MAGI2: variants seen among roughly 807,000 people sequenced by gnomAD.
MAGI2 encodes membrane associated guanylate kinase, WW and PDZ domain containing 2.
In MAGI2, 35 loss-of-function variants were observed where a neutral mutation model predicts 133.3. The ratio of observed to expected loss-of-function variants is 0.26; its 90% CI spans 0.20 to 0.35. The LOEUF is 0.35. MAGI2 is among the 10% of genes least tolerant of loss of function. The probability of loss-of-function intolerance (pLI) is 1.00; values close to 1 mark genes in which losing one functional copy is unlikely to be tolerated. For synonymous variants in MAGI2, 729 were observed against 710.6 expected (o/e 1.03, Z -0.41); for missense variants, 1,636 against 1,863.4 (o/e 0.88, Z 2.25).
Position 78,585,964 on chromosome 7 carries a change from G to A in MAGI2, c.538+41156C>T, listed in dbSNP as rs192834202. Reference sequence around the variant, plus strand: ...TCAATACACCACAGGAGCTCAATTCGTGATAACATTCTGTCTCCTTTACCC... The same window carrying A: ...TCAATACACCACAGGAGCTCAATTCATGATAACATTCTGTCTCCTTTACCC... On this transcript the variant is annotated intron_variant, in intron 3 of 21. Transcript: ENST00000354212. 1.9e-3 allele frequency among the ~76,000 whole-genome samples: 286 copies of A among 152,282 alleles called. 1 individual carries two copies. Among genetic ancestry groups the A allele is most frequent in the Non-Finnish European group, 5.4e-4 (37 of 68,022 alleles).
At chr7:78,955,736 T>TCTTTCTTC (rs1562712940) in intron 2 of MAGI2, among the ~76,000 whole-genome samples, 1 of 45,702 alleles carries the variant, frequency 2.2e-5, no homozygotes, top group African/African-American at 7.0e-5. Flanking sequence ...TTTCTTTCTT[T>TCTTTCTTC]CTTTCTTTCT....
intron 9 of MAGI2, among the ~76,000 whole-genome samples, chr7:78,318,469 G>A (rs573644630): frequency 1.3e-5 from 2 of 152,224 alleles, no homozygotes; most frequent in Non-Finnish European, 2.9e-5. Flanking sequence ...ATGGGACTAT[G>A]TGAAAAGACC....
At chr7:78,574,311 A>G (rs1471661479) in intron 3 of MAGI2, among the ~76,000 whole-genome samples, 2 of 152,200 alleles carry the variant, frequency 1.3e-5, no homozygotes, top group Non-Finnish European at 2.9e-5. Flanking sequence ...TGTTGCTCCC[A>G]TCAGTCAGAT....
intron 1 of MAGI2, among the ~76,000 whole-genome samples, chr7:79,069,057 G>A (rs1420990731): frequency 6.6e-5 from 10 of 151,846 alleles, no homozygotes; most frequent in Non-Finnish European, 1.5e-4. Flanking sequence ...GTGTAGTGCT[G>A]AGAAGAATGT....
chr7:78,258,533 TA>T (rs1246534318), intron 9 of MAGI2, among the ~76,000 whole-genome samples: 1 of 152,124 alleles, frequency 6.6e-6, no homozygotes, highest in African/African-American at 2.4e-5. Context: ...CTTTCCAAGG[TA>T]ACCATTGCCC....
Position 78,353,499 on chromosome 7 carries a change from C to T in MAGI2, c.1104-7456G>A, listed in dbSNP as rs548579014. Among the ~76,000 whole-genome samples, 12 of 152,200 alleles carry T rather than the reference C, an allele frequency of 7.9e-5. No homozygotes were observed. The South Asian group carries it at 2.3e-3, about 29-fold the overall frequency. ...GCTTTCAGTTTTCAAACAGGGATAT[C>T]CTGCATAAGTTAAGATGAGTTACTC... On this transcript the variant is annotated intron_variant, in intron 7 of 21. Coordinates refer to ENST00000354212, the MANE Select transcript of MAGI2 (RefSeq NM_012301.4).
At chr7:78,087,244 T>C (rs913844005) in intron 20 of MAGI2, among the ~76,000 whole-genome samples, 11 of 152,250 alleles carry the variant, frequency 7.2e-5, no homozygotes, top group African/African-American at 2.7e-4. Flanking sequence ...AACAGATGGA[T>C]GAATGTTTGA....
At chr7:78,664,125 C>T (rs1025461656) in intron 2 of MAGI2, among the ~76,000 whole-genome samples, 4 of 151,992 alleles carry the variant, frequency 2.6e-5, no homozygotes, top group Non-Finnish European at 4.4e-5. Context: ...TCTATTAGTC[C>T]ACCATCTCTC....
intron 2 of MAGI2, among the ~76,000 whole-genome samples, chr7:78,960,597 A>G (rs1802756053): frequency 6.6e-6 from 1 of 152,202 alleles, no homozygotes; most frequent in Non-Finnish European, 1.5e-5. Context: ...GTTTTCAGAT[A>G]TTTTCTGCTA....
At chr7:78,297,001 C>T (rs972745790) in intron 9 of MAGI2, among the ~76,000 whole-genome samples, 5 of 152,166 alleles carry the variant, frequency 3.3e-5, no homozygotes, top group Admixed American at 6.5e-5. Flanking sequence ...AGGGCTACTT[C>T]CTTAATCTCT....
chr7:78,603,509 A>G (rs977361219), intron 3 of MAGI2, among the ~76,000 whole-genome samples: 11 of 152,154 alleles, frequency 7.2e-5, no homozygotes, highest in Non-Finnish European at 1.0e-4. Context: ...TGATCTAGGC[A>G]TATTCTGGCA....
rs575299069 is a variant in MAGI2, at chr7:78,597,877, T to C, written c.538+29243A>G. The stretch of plus-strand genomic sequence containing the variant: ...GGCAAACTGTTTTTTTTTTTCCCCA[T>C]AGAGTGATTTACTTGGTAAAATTTG... On this transcript the variant is annotated intron_variant, in intron 3 of 21. Transcript: ENST00000354212. 6.5e-4 allele frequency among the ~76,000 whole-genome samples: 99 copies of C among 151,736 alleles called. No individual in the cohort carries two copies. In the Middle Eastern group the frequency reaches 0.01, roughly 16 times the overall value.
chr7:78,881,314 G>A (rs1584262643), intron 2 of MAGI2, among the ~76,000 whole-genome samples: 1 of 149,686 alleles, frequency 6.7e-6, no homozygotes, highest in South Asian at 2.2e-4. Flanking sequence ...TGGACCATAT[G>A]TTTGACCATA....
At chr7:78,759,604 T>C (rs1246568841) in intron 2 of MAGI2, among the ~76,000 whole-genome samples, 1 of 152,218 alleles carries the variant, frequency 6.6e-6, no homozygotes, top group African/African-American at 2.4e-5. Context: ...GAATGTCATG[T>C]TGTTAAAACC....
At chr7:78,318,533 T>C (rs1359624026) in intron 9 of MAGI2, among the ~76,000 whole-genome samples, 2 of 152,192 alleles carry the variant, frequency 1.3e-5, no homozygotes, top group African/African-American at 2.4e-5. Flanking sequence ...GGGACCAAGT[T>C]GGAAAACACT....
intron 10 of MAGI2, among the ~76,000 whole-genome samples, chr7:78,244,925 T>A (rs1472552029): frequency 6.6e-6 from 1 of 152,206 alleles, no homozygotes; most frequent in African/African-American, 2.4e-5. Flanking sequence ...ATGGCAAATA[T>A]TAATCTTAAA....
At position 78,832,850 on chromosome 7, in the gene MAGI2, G is replaced by T. The variant is rs557821368; in HGVS notation, c.418+174240C>A. On this transcript the variant is annotated intron_variant, in intron 2 of 21. Transcript: ENST00000354212. The stretch of plus-strand genomic sequence containing the variant: ...TATGAATGGACGTGCAGTCAGGGGG[G>T]TTTCACATCACCAAGATTCCTATCC... Among the ~76,000 whole-genome samples, 8 of 152,284 alleles carry T rather than the reference G, an allele frequency of 5.3e-5. No individual in the cohort carries two copies. In the East Asian group the frequency reaches 1.5e-3, roughly 29 times the overall value.
intron 2 of MAGI2, among the ~76,000 whole-genome samples, chr7:78,629,021 C>T (rs903101915): frequency 1.3e-5 from 2 of 152,048 alleles, no homozygotes; most frequent in African/African-American, 4.8e-5. Context: ...TGCAGTATGG[C>T]AATGCATTCC....
intron 1 of MAGI2, among the ~76,000 whole-genome samples, chr7:79,087,692 C>A (rs973437357): frequency 6.6e-6 from 1 of 151,976 alleles, no homozygotes; most frequent in Non-Finnish European, 1.5e-5. Flanking sequence ...AGGAAGGGGT[C>A]CAGTTTCAGT....
Sources: allele counts gnomAD v4.1 joint callset (sites outside exome capture counted in the v4.1 genomes callset), GRCh38; gene constraint gnomAD v4.1.1; transcripts MANE v1.5; gene names NCBI Gene and HGNC (gene_info 2026-07-23, HGNC 2026-07-21).